GOLGB1: variants seen among roughly 807,000 people sequenced by gnomAD.
GOLGB1 encodes the protein golgin B1.
GOLGB1 carries 174 observed loss-of-function variants against 336.9 expected under a neutral mutation model. That is an observed-to-expected ratio of 0.52 (90% CI 0.46 to 0.59). GOLGB1 has a LOEUF of 0.59. GOLGB1 is among the 20% of genes least tolerant of loss of function. The pLI is 0.00. For missense variants in GOLGB1, 3,331 were observed against 3,645.3 expected (o/e 0.91, Z 2.22); for synonymous variants, 1,208 against 1,289.2 (o/e 0.94, Z 1.35).
chr3:121,730,974 C>A lies in GOLGB1; in HGVS notation c.-2-1G>T. ...AATCCTGATAATCGGCTCAGCATTTCTGTAGGAAAAGAAGGGGGGAAAAAA... is the reference window on the plus strand; with the variant it reads ...AATCCTGATAATCGGCTCAGCATTTATGTAGGAAAAGAAGGGGGGAAAAAA... On this transcript the variant is annotated splice_acceptor_variant, in intron 1 of 21. Coordinates refer to ENST00000614479, the MANE Select transcript of GOLGB1 (RefSeq NM_001366282.2). LOFTEE classifies it low-confidence loss of function (5UTR_SPLICE). 1 of 1,609,940 alleles carries A rather than the reference C, an allele frequency of 6.2e-7. No individual in the cohort carries two copies. Among genetic ancestry groups the A allele is most frequent in the Non-Finnish European group, 8.5e-7 (1 of 1,178,960 alleles).
rs372803632 is a variant in GOLGB1 at position 121,696,407 on chromosome 3, G to A, written c.4116C>T (p.Ala1372=). 4.0e-5 allele frequency: 65 copies of A among 1,614,068 alleles called. No homozygotes were observed. The highest frequency in any genetic ancestry group is 3.1e-4 in the African/African-American group (23 of 75,024). Residue 1372 remains alanine (A), a synonymous_variant, in exon 13 of 22, where the codon GCC becomes GCT. Transcript: ENST00000614479. The part of the protein sequence containing the change: ...KTVSHEAEVH[A]ESLQQKLESS... ...TTTCCAATTTCTGCTGCAGGCTTTC[G>A]GCATGGACTTCAGCTTCATGGGATA...
At chr3:121,724,425 A>G (rs1046416961) in intron 5 of GOLGB1, among the ~76,000 whole-genome samples, 3 of 152,342 alleles carry the variant, frequency 2.0e-5, no homozygotes, top group African/African-American at 4.8e-5. Flanking sequence ...TGTATGGCCA[A>G]GAACTTTGTA....
intron 11 of GOLGB1, among the ~76,000 whole-genome samples, chr3:121,700,752 C>G (rs574441282): frequency 1.6e-4 from 25 of 152,196 alleles, no homozygotes; most frequent in African/African-American, 5.8e-4. Flanking sequence ...CTGGAATGCT[C>G]TCTGCTTAGC....
intron 1 of GOLGB1, among the ~76,000 whole-genome samples, chr3:121,745,276 G>A (rs1216193936): frequency 7.1e-6 from 1 of 140,512 alleles, no homozygotes; most frequent in Non-Finnish European, 1.5e-5. Flanking sequence ...GTATGTATAT[G>A]TATATATACA....
chr3:121,694,022 A>T lies in GOLGB1; in HGVS notation c.6501T>A (p.Ile2167=). 6.2e-7 allele frequency: 1 copy of T among 1,614,066 alleles called. No homozygotes were observed. Among genetic ancestry groups the T allele is most frequent in the Non-Finnish European group, 8.5e-7 (1 of 1,179,992 alleles). ...TGTCTTTCTTGTTCAAAGTAACCTG[A>T]ATCTCTCCAATTGTCTCTTCCAAGT... ...KVHLEETIGE[I]QVTLNKKDKE... is the part of the protein sequence containing the mutation. The change falls in exon 13 of 22, where the codon ATT becomes ATA. Residue 2167 remains isoleucine (I), a synonymous_variant. Coordinates refer to ENST00000614479, the MANE Select transcript of GOLGB1 (RefSeq NM_001366282.2).
At chr3:121,735,116 T>C (rs887578217) in intron 1 of GOLGB1, among the ~76,000 whole-genome samples, 2 of 152,180 alleles carry the variant, frequency 1.3e-5, no homozygotes, top group African/African-American at 4.8e-5. Flanking sequence ...AATATAGTTG[T>C]CAGGGCTTGA....
Position 121,695,252 on chromosome 3 carries a change from TAG to T in GOLGB1, c.5269_5270del (p.Leu1757LysfsTer2), listed in dbSNP as rs963163523. 6.2e-7 allele frequency: 1 copy of T among 1,613,760 alleles called. No individual in the cohort carries two copies. The highest frequency in any genetic ancestry group is 2.2e-5 in the East Asian group (1 of 44,874). On this transcript the variant is annotated frameshift_variant, in exon 13 of 22. Transcript: ENST00000614479. LOFTEE classifies it high-confidence loss of function. Reference sequence around the variant, plus strand: ...GCTTTAAATCTTGAACCTCTTCACTTAGAGAGTCTTTCTCAGACATTAAAGAC... The same window carrying T: ...GCTTTAAATCTTGAACCTCTTCACTTAGAGTCTTTCTCAGACATTAAAGAC... ...FQSLMSEKDS[L>X]SEEVQDLKHQ...
chr3:121,684,114 C>T (rs1263293374), intron 14 of GOLGB1, among the ~76,000 whole-genome samples: 2 of 94,602 alleles, frequency 2.1e-5, no homozygotes, highest in African/African-American at 4.7e-5. Context: ...GATGACAGAG[C>T]GAGACGCCGT....
At chr3:121,746,805 C>T (rs2108452480) in intron 1 of GOLGB1, among the ~76,000 whole-genome samples, 1 of 152,056 alleles carries the variant, frequency 6.6e-6, no homozygotes, top group East Asian at 1.9e-4. Flanking sequence ...TTAAAACAAC[C>T]GCAAGAGGGA....
intron 14 of GOLGB1, among the ~76,000 whole-genome samples, chr3:121,688,689 C>T (rs1431362571): frequency 6.6e-6 from 1 of 151,598 alleles, no homozygotes; most frequent in Non-Finnish European, 1.5e-5. Flanking sequence ...GCTGCCCAGT[C>T]TGGAAAGTGA....
intron 15 of GOLGB1, among the ~76,000 whole-genome samples, chr3:121,677,777 G>A (rs1940600536): frequency 1.3e-5 from 2 of 152,166 alleles, no homozygotes; most frequent in African/African-American, 4.8e-5. Flanking sequence ...CTCTTCTTAG[G>A]TTTACACTAG....
At chr3:121,668,742 G>T (rs1939069546) in intron 18 of GOLGB1, among the ~76,000 whole-genome samples, 1 of 143,352 alleles carries the variant, frequency 7.0e-6, no homozygotes, top group Admixed American at 7.0e-5. Flanking sequence ...AAGCCACTTT[G>T]ATCCTTCCCT....
chr3:121,714,046 C>T (rs1039796479), intron 10 of GOLGB1, among the ~76,000 whole-genome samples: 2 of 152,086 alleles, frequency 1.3e-5, no homozygotes, highest in African/African-American at 2.4e-5. Context: ...GGTTGGAAAA[C>T]GTCTTAACAA....
intron 5 of GOLGB1, among the ~76,000 whole-genome samples, chr3:121,726,594 CA>C (rs1945634425): frequency 6.7e-6 from 1 of 149,010 alleles, no homozygotes; most frequent in Non-Finnish European, 1.5e-5. Flanking sequence ...GATAAAAAAA[CA>C]GAAAAAACAC....
intron 1 of GOLGB1, among the ~76,000 whole-genome samples, chr3:121,741,815 T>G (rs1946879788): frequency 6.6e-6 from 1 of 152,166 alleles, no homozygotes; most frequent in African/African-American, 2.4e-5. Flanking sequence ...CTCTAGTGCC[T>G]AGATTGGGGT....
intron 14 of GOLGB1, among the ~76,000 whole-genome samples, chr3:121,687,144 C>T (rs1401961073): frequency 6.6e-6 from 1 of 152,064 alleles, no homozygotes; most frequent in Non-Finnish European, 1.5e-5. Context: ...ATGGTGTAGT[C>T]CCAGCTACTT....
chr3:121,710,817 A>T (rs545971456), intron 10 of GOLGB1, among the ~76,000 whole-genome samples: 2 of 152,042 alleles, frequency 1.3e-5, no homozygotes, highest in African/African-American at 4.8e-5. Flanking sequence ...TCATCACACC[A>T]CTACACCCCA....
chr3:121,665,184 T>A (rs535641166), intron 20 of GOLGB1, among the ~76,000 whole-genome samples, 153 bp from the exon 21 acceptor site: 81 of 152,066 alleles, frequency 5.3e-4, no homozygotes, highest in African/African-American at 1.9e-3. Context: ...GCAAGGGGGG[T>A]ACCAGCAGAT....
rs1943938156 is a variant in GOLGB1, at chr3:121,707,212, T to C, written c.1405-4617A>G. ...ACTGCCCTCCAGCCTGGTGACAAAG[T>C]GAGACTCCATCTCAAAAAAAAAAAA... On this transcript the variant is annotated intron_variant, in intron 10 of 21. Coordinates refer to ENST00000614479, the MANE Select transcript of GOLGB1 (RefSeq NM_001366282.2). Among the ~76,000 whole-genome samples the C allele has an allele frequency of 8.7e-5, 10 of 115,122 alleles. No individual in the cohort carries two copies. The South Asian group carries it at 2.4e-3, about 27-fold the overall frequency. 75.5% of individuals were successfully genotyped at this position (115,122 alleles called of 152,430 possible). A position where few individuals can be genotyped will look rare whatever the true frequency, so the allele number is the denominator to read the frequency against.
Sources: gnomAD v4.1 joint callset for allele counts (sites outside exome capture counted in the v4.1 genomes callset) on GRCh38, gnomAD v4.1.1 for gene constraint, MANE v1.5 for transcripts, NCBI Gene and HGNC (gene_info 2026-07-23, HGNC 2026-07-21) for gene names.